The following ADGRB3 variants were observed in gnomAD, a reference collection of about 807,000 sequenced individuals.
ADGRB3 encodes adhesion G protein-coupled receptor B3.
Under a neutral mutation model 193.4 loss-of-function variants are expected in ADGRB3, and 37 were observed. The observed-to-expected ratio is 0.19, with a 90% CI of 0.15 to 0.25. The LOEUF is 0.25. Among genes scored for constraint, ADGRB3 ranks in the 10% least tolerant of loss-of-function variants. The pLI is 1.00. For synonymous variants in ADGRB3, 690 were observed against 644.2 expected (o/e 1.07, Z -1.08); for missense variants, 1,637 against 1,852.9 (o/e 0.88, Z 2.14).
chr6:68,885,195 T>A (rs1765873820), intron 3 of ADGRB3, among the ~76,000 whole-genome samples: 1 of 152,112 alleles, frequency 6.6e-6, no homozygotes, highest in African/African-American at 2.4e-5. Context: ...GAAGGAAGGA[T>A]TTGTGATATT....
chr6:68,895,068 A>T (rs1766182425), intron 3 of ADGRB3, among the ~76,000 whole-genome samples: 2 of 151,970 alleles, frequency 1.3e-5, no homozygotes, highest in Non-Finnish European at 2.9e-5. Flanking sequence ...ATACTTTTTA[A>T]ACACAATAAA....
chr6:68,792,513 A>G (rs1279624149), intron 3 of ADGRB3, among the ~76,000 whole-genome samples: 2 of 152,162 alleles, frequency 1.3e-5, no homozygotes, highest in Admixed American at 6.6e-5. Flanking sequence ...TTGTGGCCCT[A>G]TGACTCTGCA....
At chr6:68,943,106 T>C (rs1368175012) in intron 5 of ADGRB3, among the ~76,000 whole-genome samples, 1 of 152,180 alleles carries the variant, frequency 6.6e-6, no homozygotes, top group Non-Finnish European at 1.5e-5. Flanking sequence ...TAGTTAAATT[T>C]CCAGTTCTAT....
intron 3 of ADGRB3, among the ~76,000 whole-genome samples, chr6:68,766,155 T>C (rs1766504862): frequency 6.6e-6 from 1 of 152,044 alleles, no homozygotes; most frequent in African/African-American, 2.4e-5. Context: ...TTGTTGATAA[T>C]TTCTGTTTCA....
chr6:69,341,864 A>C (rs1297189521), intron 26 of ADGRB3, among the ~76,000 whole-genome samples: 3 of 152,146 alleles, frequency 2.0e-5, no homozygotes, highest in Non-Finnish European at 1.5e-5. Flanking sequence ...TGCAGTTTTT[A>C]GAAGATACTA....
intron 3 of ADGRB3, among the ~76,000 whole-genome samples, chr6:68,748,027 C>A (rs890077207): frequency 7.1e-4 from 108 of 152,228 alleles, no homozygotes; most frequent in African/African-American, 2.5e-3. Flanking sequence ...GAGACTTATT[C>A]ACTATCACGA....
At chr6:68,641,786 T>C (rs1279504573) in intron 3 of ADGRB3, among the ~76,000 whole-genome samples, 1 of 152,100 alleles carries the variant, frequency 6.6e-6, no homozygotes, top group Non-Finnish European at 1.5e-5. Context: ...AGGAAAGGAA[T>C]GTGAAAATCT....
chr6:68,817,082 A>G (rs1205456390), intron 3 of ADGRB3, among the ~76,000 whole-genome samples: 2 of 151,652 alleles, frequency 1.3e-5, no homozygotes, highest in Non-Finnish European at 2.9e-5. Flanking sequence ...TCCTGAGTGT[A>G]GAAACATCTG....
chr6:69,231,755 G>A (rs1766144878), intron 17 of ADGRB3, among the ~76,000 whole-genome samples: 1 of 151,966 alleles, frequency 6.6e-6, no homozygotes, highest in African/African-American at 2.4e-5. Flanking sequence ...GAAGTATTGG[G>A]GTAAAGTTAG....
At chr6:69,250,214 G>C (rs991994590) in intron 20 of ADGRB3, among the ~76,000 whole-genome samples, 2 of 152,042 alleles carry the variant, frequency 1.3e-5, no homozygotes, top group Non-Finnish European at 2.9e-5. Context: ...TATCTGTTTT[G>C]TTGCCAATTA....
At chr6:68,968,289 A>G (rs956976814) in intron 8 of ADGRB3, among the ~76,000 whole-genome samples, 2 of 152,100 alleles carry the variant, frequency 1.3e-5, no homozygotes, top group Admixed American at 6.6e-5. Flanking sequence ...TTCTAACTAC[A>G]CATTTGACCG....
intron 27 of ADGRB3, among the ~76,000 whole-genome samples, chr6:69,354,611 G>C (rs755673338): frequency 1.3e-5 from 2 of 152,148 alleles, no homozygotes; most frequent in East Asian, 3.9e-4. Flanking sequence ...TTTATGCATA[G>C]GATCATGTGG....
At chr6:69,212,718 G>T (rs982651999) in intron 17 of ADGRB3, among the ~76,000 whole-genome samples, 24 of 152,094 alleles carry the variant, frequency 1.6e-4, no homozygotes, top group Non-Finnish European at 1.5e-5. Flanking sequence ...TACTGGTTTG[G>T]TAAGAAAACT....
chr6:68,869,419 G>A (rs1476620999), intron 3 of ADGRB3, among the ~76,000 whole-genome samples: 2 of 152,106 alleles, frequency 1.3e-5, no homozygotes, highest in Non-Finnish European at 2.9e-5. Flanking sequence ...CAAATTTAGA[G>A]TGATAATTAT....
At chr6:69,201,857 C>G (rs1213759686) in intron 17 of ADGRB3, among the ~76,000 whole-genome samples, 1 of 152,118 alleles carries the variant, frequency 6.6e-6, no homozygotes, top group Admixed American at 6.6e-5. Context: ...ATCATTTCAT[C>G]AAACTTAACA....
At chr6:68,733,800 G>A (rs752706334) in intron 3 of ADGRB3, among the ~76,000 whole-genome samples, 14 of 151,852 alleles carry the variant, frequency 9.2e-5, no homozygotes, top group Non-Finnish European at 2.1e-4. Context: ...CTTAAAGAAC[G>A]TAAGAATGTA....
At chr6:69,137,907 A>T (rs1398484021) in intron 17 of ADGRB3, among the ~76,000 whole-genome samples, 1 of 152,242 alleles carries the variant, frequency 6.6e-6, no homozygotes, top group Non-Finnish European at 1.5e-5. Context: ...GTTTGGCAGA[A>T]TGGCCTTCTT....
At chr6:68,864,573 G>A (rs539876585) in intron 3 of ADGRB3, among the ~76,000 whole-genome samples, 47 of 152,250 alleles carry the variant, frequency 3.1e-4, no homozygotes, top group African/African-American at 1.1e-3. Flanking sequence ...AGCTGGCAAC[G>A]GAGTCACTGA....
At chr6:69,232,615 G>T (rs1766167656) in intron 17 of ADGRB3, 1 of 1,535,606 alleles carries the variant, frequency 6.5e-7, no homozygotes, top group Admixed American at 2.0e-5. Context: ...GTGAAGTGTG[G>T]AGTAGGAAGC....
Sources: gnomAD v4.1 joint callset for allele counts (sites outside exome capture counted in the v4.1 genomes callset) on GRCh38, gnomAD v4.1.1 for gene constraint, MANE v1.5 for transcripts, NCBI Gene and HGNC (gene_info 2026-07-23, HGNC 2026-07-21) for gene names.